GNB1: variants seen among roughly 807,000 people sequenced by gnomAD.
The protein encoded by GNB1 is G protein subunit beta 1.
GNB1 carries 2 observed loss-of-function variants against 42.9 expected under a neutral mutation model. The ratio of observed to expected loss-of-function variants is 0.05; its 90% CI spans 0.02 to 0.15. The LOEUF (loss-of-function observed/expected upper bound fraction) is 0.15, where lower values mean the gene tolerates loss of function less well. Ranked by LOEUF, GNB1 falls within the 10% of genes least tolerant of loss-of-function variation. The pLI is 1.00. For synonymous variants in GNB1, 183 were observed against 174.7 expected (o/e 1.05, Z -0.38); for missense variants, 193 against 462.2 (o/e 0.42, Z 5.34).
At chr1:1,846,678 C>T (rs1007604825) in intron 1 of GNB1, among the ~76,000 whole-genome samples, 11 of 152,072 alleles carry the variant, frequency 7.2e-5, no homozygotes, top group African/African-American at 2.7e-4. Flanking sequence ...TTGCCTCAGC[C>T]CCCTAAGTAG....
At chr1:1,873,676 C>G (rs1284906036) in intron 1 of GNB1, among the ~76,000 whole-genome samples, 3 of 152,114 alleles carry the variant, frequency 2.0e-5, no homozygotes, top group Non-Finnish European at 4.4e-5. Context: ...TTCGGGAGGC[C>G]GAGGTGGGCG....
intron 1 of GNB1, among the ~76,000 whole-genome samples, chr1:1,882,850 G>A (rs887677928): frequency 2.6e-5 from 4 of 151,970 alleles, no homozygotes; most frequent in Non-Finnish European, 2.9e-5. Flanking sequence ...GAACCCAGGA[G>A]GTGGAGGTTG....
intron 1 of GNB1, among the ~76,000 whole-genome samples, chr1:1,851,270 C>T (rs912073784): frequency 2.0e-5 from 3 of 152,054 alleles, no homozygotes; most frequent in Non-Finnish European, 4.4e-5. Context: ...ATTAGCCAGG[C>T]GTGGTGGTGC....
chr1:1,854,491 A>C (rs1426387931), intron 1 of GNB1, among the ~76,000 whole-genome samples: 2 of 152,154 alleles, frequency 1.3e-5, no homozygotes, highest in Non-Finnish European at 2.9e-5. Flanking sequence ...CTCAGTCATA[A>C]AAAAAAGGTA....
chr1:1,807,463 G>GGAAAAAAAA (rs1369704288), intron 5 of GNB1, among the ~76,000 whole-genome samples: 2 of 25,580 alleles, frequency 7.8e-5, no homozygotes, highest in African/African-American at 4.5e-4. Context: ...GATCCTGACT[G>GGAAAAAAAA]AAAAAAAAAA....
rs574427054 is a variant in GNB1, at chr1:1,879,708, G to GA, written c.-96+11111dup. Among the ~76,000 whole-genome samples the GA allele has an allele frequency of 8.3e-3, 978 of 118,372 alleles. 10 individuals carry two copies. Among genetic ancestry groups the GA allele is most frequent in the African/African-American group, 0.022 (688 of 31,876 alleles). 77.7% of individuals were successfully genotyped at this position (118,372 alleles called of 152,430 possible). On this transcript the variant is annotated intron_variant, in intron 1 of 11. Coordinates refer to ENST00000378609, the MANE Select transcript of GNB1 (RefSeq NM_002074.5). ...TGACAGAGTGAGACTCTGTCTCAGG[G>GA]AAAAAAAAAAAAAAAAGAATAACTA...
chr1:1,866,383 T>C (rs1191261027), intron 1 of GNB1, among the ~76,000 whole-genome samples: 1 of 152,230 alleles, frequency 6.6e-6, no homozygotes, highest in Non-Finnish European at 1.5e-5. Flanking sequence ...TTCCCCAAAC[T>C]ATACATATTC....
rs756110865 is a variant in GNB1 at position 1,883,175 on chromosome 1, GAGA to G, written c.-96+7642_-96+7644del. 1.6e-4 allele frequency among the ~76,000 whole-genome samples: 24 copies of G among 149,610 alleles called. No homozygotes were observed. In the East Asian group the frequency reaches 2.4e-3, roughly 15 times the overall value. Reference sequence around the variant, plus strand: ...TGGTCCTAGCTACTTGTGAGACTGAGAGAAGAAGATCGTATGAGCCCAGGAGGT... The same window carrying G: ...TGGTCCTAGCTACTTGTGAGACTGAGAGAAGATCGTATGAGCCCAGGAGGT... On this transcript the variant is annotated intron_variant, in intron 1 of 11. Coordinates refer to ENST00000378609, the MANE Select transcript of GNB1 (RefSeq NM_002074.5).
intron 1 of GNB1, among the ~76,000 whole-genome samples, chr1:1,880,245 T>C (rs781599325): frequency 6.6e-6 from 1 of 152,214 alleles, no homozygotes; most frequent in Non-Finnish European, 1.5e-5. Context: ...GAACAGTATT[T>C]CTATAGAATT....
At chr1:1,815,975 C>A in intron 4 of GNB1, 113 bp from the exon 5 acceptor site, 1 of 686,624 alleles carries the variant, frequency 1.5e-6, no homozygotes, top group Non-Finnish European at 2.6e-6. Flanking sequence ...CTTCCCAGCC[C>A]TTCCCACAGT....
Position 1,787,154 on chromosome 1 carries a change from G to C in GNB1, c.*10-101C>G. 1 of 535,132 alleles carries C rather than the reference G, an allele frequency of 1.9e-6. No individual in the cohort carries two copies. The highest frequency in any genetic ancestry group is 3.4e-6 in the Non-Finnish European group (1 of 295,968). The allele number at this position is 535,132 out of a possible 1,614,324, so 33.1% of individuals were successfully genotyped here. On this transcript the variant is annotated intron_variant, in intron 11 of 11. Coordinates refer to ENST00000378609, the MANE Select transcript of GNB1 (RefSeq NM_002074.5). This position sits in a 1 kb window ranked among gnomAD's most constrained non-coding sequence, Gnocchi z 4.4. ...TCTTCCCATCACTGCATGAGTGTCT[G>C]CAGCTGAGGGCACGTGACTTCAGCT... is the stretch of plus-strand genomic sequence containing the variant.
chr1:1,886,439 G>A (rs1650162352), intron 1 of GNB1, among the ~76,000 whole-genome samples: 1 of 152,190 alleles, frequency 6.6e-6, no homozygotes, highest in Non-Finnish European at 1.5e-5. Flanking sequence ...GTGGTGCTCT[G>A]TCCCTCTCCC....
intron 1 of GNB1, among the ~76,000 whole-genome samples, chr1:1,840,145 T>C (rs1647206614): frequency 6.6e-6 from 1 of 151,390 alleles, no homozygotes; most frequent in Non-Finnish European, 1.5e-5. Flanking sequence ...GGAGAATCAC[T>C]TGAACCCAGA....
intron 1 of GNB1, among the ~76,000 whole-genome samples, chr1:1,858,884 T>C (rs552267225): frequency 6.6e-6 from 1 of 152,030 alleles, no homozygotes; most frequent in Non-Finnish European, 1.5e-5. Context: ...CTGCATGAAA[T>C]CAACATGGAA....
intron 3 of GNB1, among the ~76,000 whole-genome samples, chr1:1,821,976 TTG>T (rs1646935376): frequency 6.6e-6 from 1 of 151,952 alleles, no homozygotes; most frequent in South Asian, 2.1e-4. Flanking sequence ...CTCTACAAAA[TTG>T]AAAAAAACCA....
intron 1 of GNB1, among the ~76,000 whole-genome samples, chr1:1,856,219 G>A (rs1336647958): frequency 6.6e-6 from 1 of 152,244 alleles, no homozygotes; most frequent in Non-Finnish European, 1.5e-5. Flanking sequence ...GGCTGGTCTC[G>A]CTACATTGCC....
chr1:1,821,643 C>T (rs1485268619), intron 3 of GNB1, among the ~76,000 whole-genome samples: 2 of 152,232 alleles, frequency 1.3e-5, no homozygotes, highest in Admixed American at 6.5e-5. Flanking sequence ...TAACACAGCG[C>T]GGTTCCTGGT....
chr1:1,861,672 A>G (rs10907192), intron 1 of GNB1, among the ~76,000 whole-genome samples: 125,477 of 151,160 alleles, frequency 0.83, 54,077 homozygotes, highest in Non-Finnish European at 0.95. Flanking sequence ...GCTGGAAGCA[A>G]CCCTGAAGGA....
rs373450236 is a variant in GNB1, at chr1:1,836,230, A to G, written c.-47+2960T>C. Among the ~76,000 whole-genome samples the G allele has an allele frequency of 1.5e-4, 23 of 152,222 alleles. 1 individual carries two copies. The highest frequency in any genetic ancestry group is 2.6e-4 in the Admixed American group (4 of 15,266). On this transcript the variant is annotated intron_variant, in intron 2 of 11. Coordinates refer to ENST00000378609, the MANE Select transcript of GNB1 (RefSeq NM_002074.5). Reference sequence around the variant, plus strand: ...CCCAACAACGCTGGGTGGGTGTCACAGCCATTCTAATGGGGGCGTGGGCTG... The same window carrying G: ...CCCAACAACGCTGGGTGGGTGTCACGGCCATTCTAATGGGGGCGTGGGCTG...
Sources: gnomAD v4.1 joint callset for allele counts (sites outside exome capture counted in the v4.1 genomes callset) on GRCh38, gnomAD v4.1.1 for gene constraint, Gnocchi (gnomAD v3.1) non-coding constraint, MANE v1.5 for transcripts, NCBI Gene and HGNC (gene_info 2026-07-23, HGNC 2026-07-21) for gene names.